The following OR56A3 variants were observed in gnomAD, a reference collection of about 807,000 sequenced individuals.
OR56A3 encodes olfactory receptor family 56 subfamily A member 3.
Under a neutral mutation model 17.5 loss-of-function variants are expected in OR56A3, and 23 were observed. The ratio of observed to expected loss-of-function variants is 1.32; its 90% confidence interval spans 0.95 to 1.87. The LOEUF is 1.87. Among genes scored for constraint, OR56A3 ranks in the 40% most tolerant of loss-of-function variants. The probability of loss-of-function intolerance (pLI) is 0.00; values close to 1 mark genes in which losing one functional copy is unlikely to be tolerated. For synonymous variants in OR56A3, 175 were observed against 150.6 expected (o/e 1.16, Z -1.19); for missense variants, 366 against 380.1 (o/e 0.96, Z 0.31).
At chr11:5,971,802 T>C in the OR56A3 span, among the ~76,000 whole-genome samples, 7 of 152,318 alleles carry the variant, frequency 4.6e-5, no homozygotes, top group East Asian at 1.4e-3. Flanking sequence ...TCCAATTCAA[T>C]GCACCTTGAT....
the OR56A3 span, chr11:5,994,799 G>A: frequency 1.6e-5 from 12 of 754,062 alleles, no homozygotes; most frequent in Non-Finnish European, 2.4e-5. Context: ...GTCTACCTGG[G>A]GTCCCTTCCT....
At chr11:5,964,418 G>T in the OR56A3 span, among the ~76,000 whole-genome samples, 4 of 152,210 alleles carry the variant, frequency 2.6e-5, no homozygotes, top group Non-Finnish European at 5.9e-5. Context: ...CCAGTCATCT[G>T]GTGTGGTCCC....
At chr11:5,958,684 A>G in the OR56A3 span, among the ~76,000 whole-genome samples, 1 of 152,218 alleles carries the variant, frequency 6.6e-6, no homozygotes, top group South Asian at 2.1e-4. Flanking sequence ...GTATTATATC[A>G]TTATTAACTA....
chr11:6,002,101 TCACAC>T, the OR56A3 span: 4 of 1,611,926 alleles, frequency 2.5e-6, no homozygotes, highest in Non-Finnish European at 3.4e-6. Flanking sequence ...TCCTTGGTTC[TCACAC>T]CATAAACAAT....
chr11:5,970,394 T>C, the OR56A3 span, among the ~76,000 whole-genome samples: 3 of 152,178 alleles, frequency 2.0e-5, no homozygotes, highest in Admixed American at 1.3e-4. Flanking sequence ...AGATTATCCA[T>C]TGCATTTGGC....
the OR56A3 span, chr11:6,003,013 T>G: frequency 6.2e-7 from 1 of 1,614,032 alleles, no homozygotes. Context: ...CTGATCAATC[T>G]GGAGACCCAG....
At chr11:5,963,360 G>C in the OR56A3 span, among the ~76,000 whole-genome samples, 1 of 152,046 alleles carries the variant, frequency 6.6e-6, no homozygotes, top group South Asian at 2.1e-4. Context: ...TATCCCACAG[G>C]TCTGTAGTAA....
At chr11:5,945,579 T>A (rs376217086) in intron 2 of OR56A3, among the ~76,000 whole-genome samples, 41 of 114,494 alleles carry the variant, frequency 3.6e-4, no homozygotes, top group Middle Eastern at 4.8e-3. Context: ...AGACCCCATA[T>A]AAAAAAAAAA....
chr11:5,992,166 T>C, the OR56A3 span, among the ~76,000 whole-genome samples: 1 of 152,346 alleles, frequency 6.6e-6, no homozygotes, highest in South Asian at 2.1e-4. Flanking sequence ...AATTATTTAG[T>C]GGATGCTGTT....
the OR56A3 span, chr11:5,994,217 C>A: frequency 1.9e-6 from 1 of 534,864 alleles, no homozygotes. Context: ...TCTAAGCTGG[C>A]CTTCAGATTT....
At chr11:5,983,288 C>T in the OR56A3 span, among the ~76,000 whole-genome samples, 2 of 152,048 alleles carry the variant, frequency 1.3e-5, no homozygotes, top group Non-Finnish European at 1.5e-5. Context: ...GCTATATGTA[C>T]TTTTCAATCA....
Position 5,947,743 on chromosome 11 carries a change from CCACTGAGATATCCATCAATCAT to C in OR56A3, c.404_425del (p.Arg135IlefsTer4). On this transcript the variant is annotated frameshift_variant, in exon 3 of 3. Transcript: ENST00000641160. LOFTEE classifies it high-confidence loss of function. Reference sequence around the variant, plus strand: ...TGATCGTTATGTAGCCATCTGCCACCCACTGAGATATCCATCAATCATCACTGATCACTTTGTAGTCAAGGCT... The same window carrying C: ...TGATCGTTATGTAGCCATCTGCCACCCACTGATCACTTTGTAGTCAAGGCT... 1 of 1,614,206 alleles carries C rather than the reference CCACTGAGATATCCATCAATCAT, an allele frequency of 6.2e-7. No homozygotes were observed. The highest frequency in any genetic ancestry group is 8.5e-7 in the Non-Finnish European group (1 of 1,180,052).
the OR56A3 span, among the ~76,000 whole-genome samples, chr11:6,005,862 T>C: frequency 1.7e-3 from 259 of 152,232 alleles, 2 homozygotes; most frequent in African/African-American, 5.9e-3. Context: ...AATACCATCA[T>C]CTTGGAGGTG....
chr11:6,002,166 G>A, the OR56A3 span: 1 of 1,614,062 alleles, frequency 6.2e-7, no homozygotes, highest in Non-Finnish European at 8.5e-7. Context: ...GAGCAGGATG[G>A]GGACATCTGG....
At position 5,951,179 on chromosome 11, in the gene OR56A3, G is replaced by C. The variant is rs181771819; in HGVS notation, c.*2885G>C. 3 of 152,150 alleles carry C rather than the reference G, an allele frequency of 2.0e-5. No individual in the cohort carries two copies. The highest frequency in any genetic ancestry group is 1.9e-4 in the East Asian group (1 of 5,180). The allele number at this position is 152,150 out of a possible 1,614,324, so 9.4% of individuals were successfully genotyped here. On this transcript the variant is annotated 3_prime_UTR_variant, in exon 3 of 3. Transcript: ENST00000641160. ...GAAATCCCACAGTGACAGACTTGAA[G>C]AAGAGTTAAACTTAAGATCCTAAGG...
the OR56A3 span, among the ~76,000 whole-genome samples, chr11:5,990,569 T>A: frequency 6.6e-6 from 1 of 152,132 alleles, no homozygotes; most frequent in Non-Finnish European, 1.5e-5. Context: ...TCTATCCCTC[T>A]CTCCTCAATC....
At position 5,947,320 on chromosome 11, in the gene OR56A3, A is replaced by C. The variant is rs1847875688; in HGVS notation, c.-27A>C. On this transcript the variant is annotated 5_prime_UTR_variant, in exon 3 of 3. Coordinates refer to ENST00000641160, the MANE Select transcript of OR56A3 (RefSeq NM_001003443.3). ...AATCATAATTTTCCAGATCACTGAA[A>C]GAAAGCAGTAAAATATATGGGAAAA... is the stretch of plus-strand genomic sequence containing the variant. 6.5e-7 allele frequency: 1 copy of C among 1,536,286 alleles called. No homozygotes were observed. The highest frequency in any genetic ancestry group is 8.8e-7 in the Non-Finnish European group (1 of 1,135,752).
chr11:5,972,568 C>T, the OR56A3 span, among the ~76,000 whole-genome samples: 3 of 152,158 alleles, frequency 2.0e-5, no homozygotes, highest in Non-Finnish European at 4.4e-5. Context: ...TTATGATCTA[C>T]GGTCAGTTCC....
the OR56A3 span, chr11:5,967,476 A>C: frequency 1.9e-6 from 2 of 1,079,634 alleles, no homozygotes; most frequent in African/African-American, 1.6e-5. Context: ...TAACAATTTA[A>C]ATTTTCTATG....
Sources: allele counts gnomAD v4.1 joint callset (sites outside exome capture counted in the v4.1 genomes callset), GRCh38; gene constraint gnomAD v4.1.1; transcripts MANE v1.5; gene names NCBI Gene and HGNC (gene_info 2026-07-23, HGNC 2026-07-21).